Variants in IFT74 observed in about 807,000 individuals in gnomAD.
The protein encoded by IFT74 is intraflagellar transport protein 74 homolog.
In IFT74, 92 loss-of-function variants were observed where a neutral mutation model predicts 96.7. The observed-to-expected ratio is 0.95, with a 90% CI of 0.80 to 1.13. The LOEUF is 1.13. Among genes scored for constraint, IFT74 ranks in the 50% most tolerant of loss-of-function variants. IFT74 has a pLI of 0.00. For missense variants in IFT74, 811 were observed against 698.2 expected, an observed-to-expected ratio of 1.16 and a Z score of -1.82; for synonymous variants, 223 against 213.2, an observed-to-expected ratio of 1.05 and a Z score of -0.40.
chr9:27,011,882 G>A, intron 9 of IFT74, 24 bp from the exon 10 acceptor site: 1 of 1,490,642 alleles, frequency 6.7e-7, no homozygotes, highest in Middle Eastern at 1.8e-4. Context: ...TTGGATTTAT[G>A]TTTGCTTTTT....
rs73643135 is a variant in IFT74 at position 27,064,608 on chromosome 9, A to G, written c.*1872A>G. ...AGTTTAGGCAAGAGAACTGACTACT[A>G]TGGTCTCTTAATCACATTGATTCTA... On this transcript the variant is annotated 3_prime_UTR_variant, in exon 20 of 20. Coordinates refer to ENST00000380062, the MANE Select transcript of IFT74 (RefSeq NM_025103.4). 0.012 allele frequency among the ~76,000 whole-genome samples: 1,768 copies of G among 152,220 alleles called. 35 individuals carry two copies. The highest frequency in any genetic ancestry group is 0.04 in the African/African-American group (1,678 of 41,554).
At chr9:26,958,657 G>A (rs993153238) in intron 1 of IFT74, among the ~76,000 whole-genome samples, 1 of 152,148 alleles carries the variant, frequency 6.6e-6, no homozygotes, top group South Asian at 2.1e-4. Context: ...ATTTTGAGCA[G>A]ATGATAATGA....
chr9:27,017,235 A>T (rs766269945), intron 11 of IFT74, among the ~76,000 whole-genome samples, 185 bp downstream of exon 11: 1 of 151,826 alleles, frequency 6.6e-6, no homozygotes, highest in African/African-American at 2.4e-5. Context: ...TATTATTATT[A>T]TTTTTGATGT....
chr9:27,042,714 G>C (rs2131676217), intron 13 of IFT74, among the ~76,000 whole-genome samples: 1 of 152,270 alleles, frequency 6.6e-6, no homozygotes, highest in Non-Finnish European at 1.5e-5. Flanking sequence ...ATCCCTTAAT[G>C]CCTGACCAGT....
intron 1 of IFT74, among the ~76,000 whole-genome samples, chr9:26,948,448 A>ATTATTATTATTTTTT (rs1825819541): frequency 1.7e-5 from 1 of 59,162 alleles, no homozygotes; most frequent in Non-Finnish European, 3.8e-5. Flanking sequence ...GCTTTCCATT[A>ATTATTATTATTTTTT]TTTTTTTTTT....
At chr9:26,977,011 G>A (rs1827159203) in intron 2 of IFT74, among the ~76,000 whole-genome samples, 2 of 151,732 alleles carry the variant, frequency 1.3e-5, no homozygotes, top group Non-Finnish European at 2.9e-5. Context: ...GATTTTTAAG[G>A]GTAATAGATA....
intron 13 of IFT74, among the ~76,000 whole-genome samples, chr9:27,042,634 A>T (rs551914679): frequency 6.6e-6 from 1 of 152,342 alleles, no homozygotes; most frequent in African/African-American, 2.4e-5. Context: ...GAATTCTCTT[A>T]AGATTAAAAG....
In IFT74 at chr9:26,967,440, T is replaced by G. The variant is rs186894222; in HGVS notation, c.120+5353T>G. On this transcript the variant is annotated intron_variant, in intron 2 of 19. Coordinates refer to ENST00000380062, the MANE Select transcript of IFT74 (RefSeq NM_025103.4). ...TGCTATTGATTTTTGTATCCTGCAA[T>G]TTTTCTGAGTTTTACTGAATTTACT... Among the ~76,000 whole-genome samples the G allele has an allele frequency of 9.5e-4, 144 of 152,320 alleles. 1 individual carries two copies. The highest frequency in any genetic ancestry group is 8.2e-4 in the Non-Finnish European group (56 of 68,006).
At chr9:27,040,544 C>CAAAAAAAAAAAAAAAAAAAAAAAA (rs751893169) in intron 13 of IFT74, among the ~76,000 whole-genome samples, 6 of 62,092 alleles carry the variant, frequency 9.7e-5, no homozygotes, top group African/African-American at 3.4e-4. Context: ...GACACTGTCT[C>CAAAAAAAAAAAAAAAAAAAAAAAA]AAAAAAAAAA....
chr9:26,954,316 G>C (rs181847518), upstream of IFT74, among the ~76,000 whole-genome samples: 8 of 152,298 alleles, frequency 5.3e-5, no homozygotes, highest in East Asian at 1.5e-3. Context: ...ATATCGTCTT[G>C]AACTTCCCAC....
chr9:27,053,499 A>T (rs1820022058), intron 16 of IFT74, among the ~76,000 whole-genome samples: 1 of 152,184 alleles, frequency 6.6e-6, no homozygotes, highest in Non-Finnish European at 1.5e-5. Context: ...ACTATCTTAG[A>T]AACACTTCCC....
chr9:26,999,967 C>G (rs557666534), intron 8 of IFT74, among the ~76,000 whole-genome samples: 1 of 152,020 alleles, frequency 6.6e-6, no homozygotes, highest in African/African-American at 2.4e-5. Context: ...GATGGGGTCA[C>G]CATGTGTTAC....
At chr9:27,022,653 T>G (rs899610529) in intron 12 of IFT74, among the ~76,000 whole-genome samples, 1 of 151,812 alleles carries the variant, frequency 6.6e-6, no homozygotes, top group Non-Finnish European at 1.5e-5. Context: ...TTTCTTTTTT[T>G]TTTTTTTGAG....
Position 27,033,391 on chromosome 9 carries a change from C to G in IFT74, c.1054+4287C>G, listed in dbSNP as rs1332534159. ...TGGGCAACAGGGCGAAAACCTGTCT[C>G]TACAAAAAAATACAAAAATTAGCCA... On this transcript the variant is annotated intron_variant, in intron 13 of 19. Transcript: ENST00000380062. 3.3e-5 allele frequency among the ~76,000 whole-genome samples: 5 copies of G among 151,664 alleles called. No homozygotes were observed. The East Asian group carries it at 5.8e-4, about 18-fold the overall frequency.
At chr9:26,986,887 T>G (rs910841599) in intron 6 of IFT74, among the ~76,000 whole-genome samples, 5 of 152,180 alleles carry the variant, frequency 3.3e-5, no homozygotes, top group African/African-American at 1.2e-4. Flanking sequence ...CTTCCCAAAG[T>G]GCTGGGATTA....
rs534014963 is a variant in IFT74, at chr9:27,061,420, C to T, written c.1684+769C>T. Among the ~76,000 whole-genome samples, 250 of 152,136 alleles carry T rather than the reference C, an allele frequency of 1.6e-3. 2 individuals carry two copies. Among genetic ancestry groups the T allele is most frequent in the Non-Finnish European group, 2.9e-3 (198 of 68,008 alleles). On this transcript the variant is annotated intron_variant, in intron 19 of 19. Coordinates refer to ENST00000380062, the MANE Select transcript of IFT74 (RefSeq NM_025103.4). ...GGGCTTGGGTAAAGTTAAACATTAT[C>T]AGTAAATCTTCTGATAAACATGGCA...
intron 1 of IFT74, among the ~76,000 whole-genome samples, chr9:26,951,254 G>A (rs960084769): frequency 2.6e-5 from 4 of 152,200 alleles, no homozygotes; most frequent in African/African-American, 9.7e-5. Flanking sequence ...GATTATACAG[G>A]AATGAAGTTG....
intron 12 of IFT74, among the ~76,000 whole-genome samples, chr9:27,023,901 G>C (rs1829730107): frequency 6.6e-6 from 1 of 152,108 alleles, no homozygotes; most frequent in Non-Finnish European, 1.5e-5. Flanking sequence ...CGTAGCCAAA[G>C]ACAAAAGACA....
intron 18 of IFT74, among the ~76,000 whole-genome samples, chr9:27,059,896 G>C (rs1820339798): frequency 6.6e-6 from 1 of 152,122 alleles, no homozygotes; most frequent in Non-Finnish European, 1.5e-5. Context: ...TTTTCAAATG[G>C]TCCTTTGCTT....
Sources: allele counts gnomAD v4.1 joint callset (sites outside exome capture counted in the v4.1 genomes callset), GRCh38; gene constraint gnomAD v4.1.1; transcripts MANE v1.5; gene names NCBI Gene and HGNC (gene_info 2026-07-23, HGNC 2026-07-21).